TMTC4: variants seen among roughly 807,000 people sequenced by gnomAD.
TMTC4 encodes protein O-mannosyl-transferase TMTC4.
In TMTC4, 65 loss-of-function variants were observed where a neutral mutation model predicts 86.0. That is an observed-to-expected ratio of 0.76 (90% confidence interval 0.62 to 0.93). The LOEUF (loss-of-function observed/expected upper bound fraction) is 0.93, where lower values mean the gene tolerates loss of function less well. Among genes scored for constraint, TMTC4 ranks in the 40% least tolerant of loss-of-function variants. The pLI is 0.00. For synonymous variants in TMTC4, 379 were observed against 382.5 expected, an observed-to-expected ratio of 0.99 and a Z score of 0.11; for missense variants, 866 against 948.1, an observed-to-expected ratio of 0.91 and a Z score of 1.14.
At chr13:100,659,595 G>A (rs1206178068) in intron 5 of TMTC4, among the ~76,000 whole-genome samples, 1 of 152,060 alleles carries the variant, frequency 6.6e-6, no homozygotes, top group Non-Finnish European at 1.5e-5. Flanking sequence ...TGGCCACACA[G>A]AGCTGAAGAG....
Position 100,605,178 on chromosome 13 carries a change from T to G in TMTC4, c.2135-36A>C. 1 of 1,600,116 alleles carries G rather than the reference T, an allele frequency of 6.2e-7. No homozygotes were observed. Among genetic ancestry groups the G allele is most frequent in the Non-Finnish European group, 8.5e-7 (1 of 1,173,492 alleles). On this transcript the variant is annotated intron_variant, in intron 18 of 18. Coordinates refer to ENST00000342624, the MANE Select transcript of TMTC4 (RefSeq NM_032813.5). The surrounding 1 kb of genome is among the most constrained non-coding windows in gnomAD (Gnocchi z 4.3). ...AGGAGATAAATTTCACTGGGAATGC[T>G]TCTGAGTAACGTGCCGTATTCCTAC...
Position 100,637,685 on chromosome 13 carries a change from C to A in TMTC4, c.852G>T (p.Arg284Ser), listed in dbSNP as rs536255240. 6.2e-7 allele frequency: 1 copy of A among 1,613,910 alleles called. No homozygotes were observed. The highest frequency in any genetic ancestry group is 8.5e-7 in the Non-Finnish European group (1 of 1,179,874). ...DKSLENLGMLRNGGLLFRMTL... is the reference protein window; with the variant it reads ...DKSLENLGMLSNGGLLFRMTL... ...TCATTCTGAAGAGGAGGCCCCCGTT[C>A]CTGAGCATGCCGAGATTCTGCAAGG... The change falls in exon 9 of 19, where the codon AGG becomes AGT. Residue 284 changes from arginine (R) to serine (S), a missense_variant. Arg to Ser is a moderately radical substitution (Grantham distance 110). Transcript: ENST00000342624.
At chr13:100,623,328 G>A (rs1879836077) in intron 15 of TMTC4, among the ~76,000 whole-genome samples, 1 of 152,202 alleles carries the variant, frequency 6.6e-6, no homozygotes. Context: ...TGCTTCCCAG[G>A]TTCAAGTGAT....
intron 6 of TMTC4, among the ~76,000 whole-genome samples, chr13:100,654,761 T>C (rs1055354677): frequency 6.6e-6 from 1 of 152,152 alleles, no homozygotes. Context: ...AGTATCATAA[T>C]AGCTTTTTCA....
At chr13:100,629,325 G>T (rs1451745861) in intron 12 of TMTC4, among the ~76,000 whole-genome samples, 3 of 152,140 alleles carry the variant, frequency 2.0e-5, no homozygotes, top group Non-Finnish European at 4.4e-5. Flanking sequence ...ACGGTGAATG[G>T]TAAGATGGTG....
chr13:100,615,784 A>G (rs762952879), intron 15 of TMTC4, among the ~76,000 whole-genome samples: 7 of 152,196 alleles, frequency 4.6e-5, no homozygotes, highest in Non-Finnish European at 7.3e-5. Flanking sequence ...CAGAATGTAC[A>G]TGTGCAGGTT....
At chr13:100,657,532 A>AT (rs1566631398) in intron 5 of TMTC4, among the ~76,000 whole-genome samples, 1 of 71,610 alleles carries the variant, frequency 1.4e-5, no homozygotes, top group East Asian at 5.7e-3. Context: ...CCAATGTTGT[A>AT]CGTGATGAAA....
At chr13:100,667,532 T>C (rs370640874) in intron 3 of TMTC4, among the ~76,000 whole-genome samples, 5 of 152,304 alleles carry the variant, frequency 3.3e-5, no homozygotes, top group African/African-American at 7.2e-5. Context: ...ATAAAATATA[T>C]GCAAATCAGT....
At chr13:100,617,073 A>T (rs1288267803) in intron 15 of TMTC4, among the ~76,000 whole-genome samples, 1 of 151,266 alleles carries the variant, frequency 6.6e-6, no homozygotes, top group Non-Finnish European at 1.5e-5. Context: ...CTTCATCATC[A>T]ATTCTTTCCC....
intron 9 of TMTC4, 143 bp downstream of exon 9, chr13:100,637,395 T>C (rs1882384955): frequency 3.6e-6 from 4 of 1,118,218 alleles, no homozygotes; most frequent in East Asian, 2.5e-5. Context: ...ACATCTTTAG[T>C]GATCGCAAGC....
chr13:100,637,157 A>C (rs1417063041), intron 9 of TMTC4, among the ~76,000 whole-genome samples: 1 of 152,146 alleles, frequency 6.6e-6, no homozygotes, highest in Non-Finnish European at 1.5e-5. Context: ...TTTAGAAAAA[A>C]GGCAAATCTA....
At chr13:100,649,626 G>A (rs191654108) in intron 6 of TMTC4, among the ~76,000 whole-genome samples, 1 of 152,186 alleles carries the variant, frequency 6.6e-6, no homozygotes, top group Admixed American at 6.5e-5. Context: ...ATTATGAGAT[G>A]TAATTTAATA....
In TMTC4 at chr13:100,662,482, G is replaced by A. The variant is rs138447499; in HGVS notation, c.552+482C>T. Among the ~76,000 whole-genome samples, 435 of 152,070 alleles carry A rather than the reference G, an allele frequency of 2.9e-3. 3 individuals carry two copies. Among genetic ancestry groups the A allele is most frequent in the African/African-American group, 9.6e-3 (399 of 41,528 alleles). On this transcript the variant is annotated intron_variant, in intron 5 of 18. Coordinates refer to ENST00000342624, the MANE Select transcript of TMTC4 (RefSeq NM_032813.5). ...GTACTAGCCCCGCTGATGTCACAGC[G>A]TTTTCATAACAAGCATGTTAAGTCT...
chr13:100,633,088 C>T (rs944679739), intron 12 of TMTC4, among the ~76,000 whole-genome samples: 7 of 151,920 alleles, frequency 4.6e-5, no homozygotes, highest in African/African-American at 1.7e-4. Context: ...TGAGGATGGG[C>T]GAATCACGAG....
intron 5 of TMTC4, 135 bp downstream of exon 5, chr13:100,662,829 T>C (rs2139030749): frequency 2.4e-6 from 2 of 836,290 alleles, no homozygotes; most frequent in African/African-American, 3.4e-5. Flanking sequence ...CTAGAGTATG[T>C]TGTGGAGTAG....
At chr13:100,643,090 G>A (rs982998387) in intron 6 of TMTC4, among the ~76,000 whole-genome samples, 1 of 152,150 alleles carries the variant, frequency 6.6e-6, no homozygotes, top group African/African-American at 2.4e-5. Flanking sequence ...CTATCTCGTC[G>A]GTGGTGCGTG....
intron 1 of TMTC4, chr13:100,674,308 A>G: frequency 5.1e-6 from 5 of 978,576 alleles, no homozygotes; most frequent in Non-Finnish European, 6.0e-6. Flanking sequence ...GTGTCCAGCC[A>G]TCGCCTGCGC....
intron 12 of TMTC4, among the ~76,000 whole-genome samples, chr13:100,631,266 C>T (rs959173867): frequency 2.6e-5 from 4 of 152,172 alleles, no homozygotes; most frequent in African/African-American, 7.2e-5. Context: ...ACCTTTAATA[C>T]CAGGGCTAAA....
At chr13:100,673,431 T>A in intron 1 of TMTC4, 2 of 903,490 alleles carry the variant, frequency 2.2e-6, no homozygotes, top group South Asian at 1.0e-4. Flanking sequence ...TAACATTCAA[T>A]CACATAGCCA....
Sources: allele counts gnomAD v4.1 joint callset (sites outside exome capture counted in the v4.1 genomes callset), GRCh38; gene constraint gnomAD v4.1.1; non-coding constraint Gnocchi (gnomAD v3.1); transcripts MANE v1.5; gene names NCBI Gene and HGNC (gene_info 2026-07-23, HGNC 2026-07-21).